CCDC148: variants seen among roughly 807,000 people sequenced by gnomAD.
CCDC148 encodes coiled-coil domain containing 148.
Under a neutral mutation model 85.7 loss-of-function variants are expected in CCDC148, and 89 were observed. The observed-to-expected ratio is 1.04, with a 90% confidence interval of 0.87 to 1.24. The LOEUF (loss-of-function observed/expected upper bound fraction) is 1.24. Among genes scored for constraint, CCDC148 ranks in the 50% most tolerant of loss-of-function variants. The pLI is 0.00. For missense variants in CCDC148, 692 were observed against 671.7 expected, an observed-to-expected ratio of 1.03 and a Z score of -0.33; for synonymous variants, 230 against 213.9, an observed-to-expected ratio of 1.08 and a Z score of -0.66.
chr2:158,317,729 AGG>A (rs1217621899), intron 7 of CCDC148, among the ~76,000 whole-genome samples: 71 of 152,204 alleles, frequency 4.7e-4, no homozygotes, highest in African/African-American at 1.7e-3. Context: ...GGACACATAC[AGG>A]TAACAGATAC....
intron 7 of CCDC148, among the ~76,000 whole-genome samples, chr2:158,316,345 C>CTGAATGTA: frequency 6.6e-6 from 1 of 152,216 alleles, no homozygotes; most frequent in East Asian, 1.9e-4. Context: ...TATACATTGC[C>CTGAATGTA]TGAATGTATT....
intron 11 of CCDC148, among the ~76,000 whole-genome samples, chr2:158,205,464 G>A (rs1181731156): frequency 6.6e-6 from 1 of 152,170 alleles, no homozygotes; most frequent in Non-Finnish European, 1.5e-5. Context: ...AAGGAGGAGG[G>A]TGTAGAGAGA....
chr2:158,288,954 T>A (rs1690763118), intron 9 of CCDC148: 3 of 250,120 alleles, frequency 1.2e-5, no homozygotes, highest in Non-Finnish European at 2.4e-5. Flanking sequence ...AAAAATGAGG[T>A]GGAAGCAAAA....
intron 11 of CCDC148, among the ~76,000 whole-genome samples, chr2:158,188,480 T>A (rs922866892): frequency 3.1e-4 from 47 of 151,920 alleles, no homozygotes; most frequent in African/African-American, 1.1e-3. Flanking sequence ...GCCAACTGCC[T>A]ATTATGGACA....
Position 158,179,895 on chromosome 2 carries a change from C to G in CCDC148, c.1371-899G>C, listed in dbSNP as rs545060952. 3.3e-5 allele frequency among the ~76,000 whole-genome samples: 5 copies of G among 152,278 alleles called. No homozygotes were observed. The South Asian group carries it at 1.0e-3, about 32-fold the overall frequency. ...TCCCTTAGCATTCTATTTCCAACCC[C>G]CTTAAAATCATCGGCTATTAAAATA... is the stretch of plus-strand genomic sequence containing the variant. On this transcript the variant is annotated intron_variant, in intron 11 of 13. Coordinates refer to ENST00000283233, the MANE Select transcript of CCDC148 (RefSeq NM_138803.4).
intron 10 of CCDC148, among the ~76,000 whole-genome samples, chr2:158,245,786 A>T (rs1376245007): frequency 5.9e-5 from 9 of 152,160 alleles, no homozygotes; most frequent in Non-Finnish European, 1.0e-4. Flanking sequence ...TTCTTACAAT[A>T]GCTCCCAGGG....
At chr2:158,440,877 A>G (rs1172847038) in intron 1 of CCDC148, among the ~76,000 whole-genome samples, 3 of 152,170 alleles carry the variant, frequency 2.0e-5, no homozygotes. Context: ...TAGCTGTTCA[A>G]TAGCCTATTA....
intron 7 of CCDC148, among the ~76,000 whole-genome samples, chr2:158,319,479 C>A (rs1176624168): frequency 1.3e-5 from 2 of 152,344 alleles, no homozygotes; most frequent in East Asian, 3.9e-4. Flanking sequence ...GAAGGTCCCT[C>A]TCTGCTTCTG....
intron 2 of CCDC148, among the ~76,000 whole-genome samples, chr2:158,357,742 T>C (rs1264059919): frequency 6.6e-6 from 1 of 152,132 alleles, no homozygotes; most frequent in East Asian, 1.9e-4. Context: ...ACAATTGCCT[T>C]CTATAAAAAA....
intron 1 of CCDC148, among the ~76,000 whole-genome samples, chr2:158,454,290 A>C (rs1160643174): frequency 6.6e-6 from 1 of 152,222 alleles, no homozygotes; most frequent in Non-Finnish European, 1.5e-5. Flanking sequence ...TTTTACCAAA[A>C]GCCAGATATT....
At chr2:158,200,030 G>T (rs1449340745) in intron 11 of CCDC148, among the ~76,000 whole-genome samples, 2 of 152,174 alleles carry the variant, frequency 1.3e-5, no homozygotes, top group Non-Finnish European at 2.9e-5. Flanking sequence ...AGTGATCACA[G>T]ATCATTGTGA....
intron 1 of CCDC148, among the ~76,000 whole-genome samples, chr2:158,383,039 C>G (rs1015170516): frequency 9.2e-5 from 14 of 151,948 alleles, no homozygotes; most frequent in African/African-American, 3.4e-4. Context: ...GTGGCTCATG[C>G]CTGTAATCCC....
chr2:158,249,355 G>T (rs1521865), intron 10 of CCDC148, among the ~76,000 whole-genome samples: 1 of 151,832 alleles, frequency 6.6e-6, no homozygotes, highest in Non-Finnish European at 1.5e-5. Flanking sequence ...GTAAATAATT[G>T]GTAAGTTCCC....
At chr2:158,285,251 G>A (rs1690563259) in intron 9 of CCDC148, among the ~76,000 whole-genome samples, 1 of 147,602 alleles carries the variant, frequency 6.8e-6, no homozygotes, top group Admixed American at 6.8e-5. Context: ...TCATGCCATT[G>A]CACTCCAGGC....
chr2:158,319,387 G>A (rs1216831743), intron 7 of CCDC148, among the ~76,000 whole-genome samples: 1 of 152,166 alleles, frequency 6.6e-6, no homozygotes, highest in African/African-American at 2.4e-5. Context: ...ACAAAAGATC[G>A]AATTCTGGCC....
intron 7 of CCDC148, among the ~76,000 whole-genome samples, chr2:158,328,364 T>C (rs931401857): frequency 1.3e-5 from 2 of 152,174 alleles, no homozygotes; most frequent in Admixed American, 6.5e-5. Flanking sequence ...TATGGCTGCA[T>C]AGTGTTCCAT....
At chr2:158,222,593 C>T (rs1055053236) in intron 10 of CCDC148, among the ~76,000 whole-genome samples, 5 of 152,090 alleles carry the variant, frequency 3.3e-5, no homozygotes, top group East Asian at 1.9e-4. Flanking sequence ...CTTGTTTTCA[C>T]TGAAATTCTT....
At chr2:158,193,097 T>C (rs893702387) in intron 11 of CCDC148, among the ~76,000 whole-genome samples, 2 of 152,072 alleles carry the variant, frequency 1.3e-5, no homozygotes, top group East Asian at 1.9e-4. Context: ...TCCTTTTGAA[T>C]ATACATCTTT....
At chr2:158,282,324 G>C (rs1286669130) in intron 9 of CCDC148, among the ~76,000 whole-genome samples, 1 of 152,210 alleles carries the variant, frequency 6.6e-6, no homozygotes, top group African/African-American at 2.4e-5. Flanking sequence ...ATTAGGAAAA[G>C]AGGAAGTCAA....
Sources: gnomAD v4.1 joint callset for allele counts (sites outside exome capture counted in the v4.1 genomes callset) on GRCh38, gnomAD v4.1.1 for gene constraint, MANE v1.5 for transcripts, NCBI Gene and HGNC (gene_info 2026-07-23, HGNC 2026-07-21) for gene names.